POLR1A: variants seen among roughly 807,000 people sequenced by gnomAD.
The protein encoded by POLR1A is RNA polymerase I subunit A, also known as DNA-directed RNA polymerase I subunit RPA1.
In POLR1A, 84 loss-of-function variants were observed where a neutral mutation model predicts 205.3. That is an observed-to-expected ratio of 0.41 (90% CI 0.34 to 0.49). The LOEUF (loss-of-function observed/expected upper bound fraction) is 0.49. Ranked by LOEUF, POLR1A falls within the 20% of genes least tolerant of loss-of-function variation. The probability of loss-of-function intolerance (pLI) is 0.22; values close to 1 mark genes in which losing one functional copy is unlikely to be tolerated. For synonymous variants in POLR1A, 799 were observed against 863.7 expected (o/e 0.93, Z 1.31); for missense variants, 1,645 against 2,204.5 (o/e 0.75, Z 5.08).
At chr2:86,048,042 C>T (rs984560046) in intron 18 of POLR1A, among the ~76,000 whole-genome samples, 14 of 152,198 alleles carry the variant, frequency 9.2e-5, no homozygotes, top group Non-Finnish European at 1.3e-4. Flanking sequence ...GTCAACAAAA[C>T]CCCTCAAGGA....
chr2:86,075,938 C>T (rs1188574165), intron 11 of POLR1A, among the ~76,000 whole-genome samples: 1 of 152,244 alleles, frequency 6.6e-6, no homozygotes, highest in African/African-American at 2.4e-5. Flanking sequence ...CATCCCTCAT[C>T]TACCCTGGCA....
Position 86,054,297 on chromosome 2 carries a change from G to GA in POLR1A, c.2059-9dup, listed in dbSNP as rs1324674235. On this transcript the variant is annotated splice_polypyrimidine_tract_variant and intron_variant, in intron 14 of 33. Coordinates refer to ENST00000263857, the MANE Select transcript of POLR1A (RefSeq NM_015425.6). ...GAGCAGCGTTGACACAACCTGCAAA[G>GA]AAAAAGAGGACAAACTGATGGCAAA... 6.2e-7 allele frequency: 1 copy of GA among 1,612,326 alleles called. No homozygotes were observed. Among genetic ancestry groups the GA allele is most frequent in the Non-Finnish European group, 8.5e-7 (1 of 1,179,116 alleles).
chr2:86,064,747 T>C (rs1239411592), intron 14 of POLR1A, among the ~76,000 whole-genome samples: 1 of 151,932 alleles, frequency 6.6e-6, no homozygotes, highest in African/African-American at 2.4e-5. Context: ...ACAGAAACTA[T>C]GCAGTCTACT....
At chr2:86,038,944 A>C in intron 26 of POLR1A, 87 bp from the exon 27 acceptor site, 1 of 1,250,778 alleles carries the variant, frequency 8.0e-7, no homozygotes, top group Non-Finnish European at 1.2e-6. Flanking sequence ...CCAAGGGTTT[A>C]CAGAGATAGC....
chr2:86,072,926 T>C (rs1673205955), intron 12 of POLR1A, among the ~76,000 whole-genome samples: 1 of 152,134 alleles, frequency 6.6e-6, no homozygotes, highest in South Asian at 2.1e-4. Flanking sequence ...TCTTCAAAAA[T>C]TACAGGCCAG....
chr2:86,098,827 T>C, intron 2 of POLR1A, 67 bp from the exon 3 acceptor site: 1 of 1,502,216 alleles, frequency 6.7e-7, no homozygotes, highest in African/African-American at 1.4e-5. Flanking sequence ...TGATTTTCGG[T>C]ATACTCACAA....
chr2:86,038,912 C>A, intron 26 of POLR1A, 55 bp from the exon 27 acceptor site: 1 of 1,537,334 alleles, frequency 6.5e-7, no homozygotes, highest in South Asian at 1.1e-5. Flanking sequence ...GGTGACTGCG[C>A]AATGTGAGTG....
Position 86,027,279 on chromosome 2 carries a change from A to G in POLR1A, c.*144T>C, listed in dbSNP as rs1432630711. ...CCCAGCTCAGAGGCCCACTGCTTTC[A>G]GGCCCAAGGTCGCTGCTGTGCTCTG... On this transcript the variant is annotated 3_prime_UTR_variant, in exon 34 of 34. Coordinates refer to ENST00000263857, the MANE Select transcript of POLR1A (RefSeq NM_015425.6). 3 of 687,586 alleles carry G rather than the reference A, an allele frequency of 4.4e-6. No individual in the cohort carries two copies. The highest frequency in any genetic ancestry group is 4.5e-5 in the Admixed American group (2 of 44,896). The allele number at this position is 687,586 out of a possible 1,614,324, so 42.6% of individuals were successfully genotyped here. A position where few individuals can be genotyped will look rare whatever the true frequency, so the allele number is the denominator to read the frequency against.
Position 86,028,789 on chromosome 2 carries a change from G to GCT in POLR1A, c.4780-80_4780-79dup. ...TCTGCCTGCGTATCTCCCCCTGGCCGCTCTCTCTCTCCTTGTGTCTGGCAG... is the reference window on the plus strand; with the variant it reads ...TCTGCCTGCGTATCTCCCCCTGGCCGCTCTCTCTCTCTCCTTGTGTCTGGCAG... On this transcript the variant is annotated intron_variant, in intron 31 of 33. Coordinates refer to ENST00000263857, the MANE Select transcript of POLR1A (RefSeq NM_015425.6). This position sits in a 1 kb window ranked among gnomAD's most constrained non-coding sequence, Gnocchi z 4.5. The GCT allele has an allele frequency of 3.9e-6, 4 of 1,016,114 alleles. No individual in the cohort carries two copies. The highest frequency in any genetic ancestry group is 4.6e-6 in the Non-Finnish European group (3 of 653,816). The allele number at this position is 1,016,114 out of a possible 1,614,324, so 62.9% of individuals were successfully genotyped here. A position where few individuals can be genotyped will look rare whatever the true frequency, so the allele number is the denominator to read the frequency against.
chr2:86,037,466 T>G (rs1672521206), intron 27 of POLR1A, among the ~76,000 whole-genome samples: 1 of 152,250 alleles, frequency 6.6e-6, no homozygotes, highest in African/African-American at 2.4e-5. Context: ...GGCAGAGGGC[T>G]GAGGGCAGAA....
chr2:86,098,903 T>C (rs766236023), intron 2 of POLR1A, 143 bp from the exon 3 acceptor site: 1 of 654,778 alleles, frequency 1.5e-6, no homozygotes. Flanking sequence ...TAGAAAGGCC[T>C]TTGTTATCTT....
At chr2:86,078,829 G>A (rs1673344242) in intron 9 of POLR1A, among the ~76,000 whole-genome samples, 1 of 152,188 alleles carries the variant, frequency 6.6e-6, no homozygotes, top group Non-Finnish European at 1.5e-5. Flanking sequence ...CAAGTTAGTG[G>A]CTGATTGCCA....
At chr2:86,067,651 TAAAG>T (rs1673105756) in intron 13 of POLR1A, among the ~76,000 whole-genome samples, 1 of 152,098 alleles carries the variant, frequency 6.6e-6, no homozygotes, top group Non-Finnish European at 1.5e-5. Flanking sequence ...GAATTATAAA[TAAAG>T]AAATATGGAA....
intron 24 of POLR1A, among the ~76,000 whole-genome samples, chr2:86,041,641 C>CTCTG (rs10654583): frequency 0.012 from 1,868 of 152,296 alleles, 49 homozygotes; most frequent in African/African-American, 0.043. Flanking sequence ...TCCTGCAAGC[C>CTCTG]TCCCAGCAGA....
rs145747006 is a variant in POLR1A at position 86,081,833 on chromosome 2, C to T, written c.818-127G>A. On this transcript the variant is annotated intron_variant, in intron 7 of 33. Transcript: ENST00000263857. ...ACAAGATAATATGTAGAGTTAAGGT[C>T]ACAGTTTTCTTTTTTGAGAAAAGGT... The T allele has an allele frequency of 2.0e-4, 125 of 629,976 alleles. 1 individual carries two copies. The Middle Eastern group carries it at 3.6e-3, about 18-fold the overall frequency. 39.0% of individuals were successfully genotyped at this position (629,976 alleles called of 1,614,324 possible). A position where few individuals can be genotyped will look rare whatever the true frequency, so the allele number is the denominator to read the frequency against.
rs749679232 is a variant in POLR1A, at chr2:86,048,902, G to A, written c.2616C>T (p.Tyr872=). The A allele has an allele frequency of 2.5e-6, 4 of 1,613,934 alleles. No homozygotes were observed. Among genetic ancestry groups the A allele is most frequent in the South Asian group, 1.1e-5 (1 of 91,082 alleles). Residue 872 remains tyrosine (Y), a synonymous_variant, in exon 18 of 34, where the codon TAC becomes TAT. Coordinates refer to ENST00000263857, the MANE Select transcript of POLR1A (RefSeq NM_015425.6). ...DLKFKEEVNH[Y]SNEINKACMP... ...GGCTAACCTTGTTAATCTCATTGCT[G>A]TAATGGTTCACTTCCTCCTTGAACT...
rs552510207 is a variant in POLR1A at position 86,077,861 on chromosome 2, T to C, written c.1378A>G (p.Met460Val). ...YINTNEIGIPMVFATKLTYPQ... is the reference protein window; with the variant it reads ...YINTNEIGIPVVFATKLTYPQ... Reference sequence around the variant, plus strand: ...CACACACACACACACACACACACCATGGGAATTCCAATTTCGTTGGTGTTG... The same window carrying C: ...CACACACACACACACACACACACCACGGGAATTCCAATTTCGTTGGTGTTG... Residue 460 changes from methionine to valine, a missense_variant and splice_region_variant, in exon 11 of 34, where the codon ATG becomes GTG. Transcript: ENST00000263857. The C allele has an allele frequency of 1.9e-6, 3 of 1,597,938 alleles. No homozygotes were observed. Among genetic ancestry groups the C allele is most frequent in the South Asian group, 2.2e-5 (2 of 90,534 alleles).
At chr2:86,060,923 T>G (rs570698339) in intron 14 of POLR1A, among the ~76,000 whole-genome samples, 1 of 152,288 alleles carries the variant, frequency 6.6e-6, no homozygotes, top group African/African-American at 2.4e-5. Context: ...CTAATGGACT[T>G]ATACCAAATT....
At chr2:86,061,272 C>T (rs967219756) in intron 14 of POLR1A, among the ~76,000 whole-genome samples, 3 of 152,150 alleles carry the variant, frequency 2.0e-5, no homozygotes, top group South Asian at 2.1e-4. Context: ...CATGGAAAAA[C>T]GCTGTCTCTA....
Sources: allele counts gnomAD v4.1 joint callset (sites outside exome capture counted in the v4.1 genomes callset), GRCh38; gene constraint gnomAD v4.1.1; non-coding constraint Gnocchi (gnomAD v3.1); transcripts MANE v1.5; gene names NCBI Gene and HGNC (gene_info 2026-07-23, HGNC 2026-07-21).